The following TCAIM variants were observed in gnomAD, a reference collection of about 807,000 sequenced individuals.
TCAIM encodes T cell activation inhibitor, mitochondrial.
TCAIM carries 36 observed loss-of-function variants against 58.6 expected under a neutral mutation model. The observed-to-expected ratio is 0.61, with a 90% confidence interval of 0.47 to 0.81. TCAIM has a LOEUF of 0.81. TCAIM is among the 30% of genes least tolerant of loss of function. TCAIM has a pLI of 0.00. For missense variants in TCAIM, 466 were observed against 579.6 expected (o/e 0.80, Z 2.01); for synonymous variants, 172 against 193.6 (o/e 0.89, Z 0.93).
At chr3:44,400,250 C>A (rs1293900230) in intron 8 of TCAIM, 105 bp from the exon 9 acceptor site, 1 of 877,824 alleles carries the variant, frequency 1.1e-6, no homozygotes, top group Non-Finnish European at 1.7e-6. Flanking sequence ...CAATGAAAAT[C>A]ATTTTCTTGT....
intron 5 of TCAIM, among the ~76,000 whole-genome samples, chr3:44,372,089 G>T (rs1489914186): frequency 1.3e-5 from 2 of 151,216 alleles, no homozygotes; most frequent in East Asian, 3.9e-4. Context: ...TACAGTATTA[G>T]CAAGATGTGA....
chr3:44,396,709 G>A (rs371050734), intron 7 of TCAIM, 34 bp from the exon 8 acceptor site: 25 of 1,602,772 alleles, frequency 1.6e-5, no homozygotes, highest in Middle Eastern at 1.7e-4. Context: ...GAAGCACCTC[G>A]ACCATGACCA....
chr3:44,347,302 CA>C (rs1700990149), intron 1 of TCAIM, among the ~76,000 whole-genome samples: 1 of 152,066 alleles, frequency 6.6e-6, no homozygotes, highest in African/African-American at 2.4e-5. Flanking sequence ...AGAAGGTCAT[CA>C]AAATACTTAA....
chr3:44,378,701 T>C (rs1304958595), intron 5 of TCAIM, among the ~76,000 whole-genome samples: 1 of 151,356 alleles, frequency 6.6e-6, no homozygotes, highest in Non-Finnish European at 1.5e-5. Flanking sequence ...ATCTCAGCTA[T>C]TCAGGAGGCT....
intron 4 of TCAIM, 128 bp from the exon 5 acceptor site, chr3:44,367,328 A>G: frequency 9.4e-7 from 1 of 1,065,272 alleles, no homozygotes; most frequent in African/African-American, 1.6e-5. Flanking sequence ...TTTTCCATTT[A>G]CAGGTGATTT....
intron 1 of TCAIM, among the ~76,000 whole-genome samples, chr3:44,339,059 C>A (rs376780175): frequency 2.0e-5 from 3 of 151,966 alleles, no homozygotes; most frequent in African/African-American, 7.2e-5. Context: ...TATATTTTTC[C>A]GAGGTCTTTG....
At chr3:44,358,239 AATGCCCTAGTG>A in intron 3 of TCAIM, 2 of 1,513,732 alleles carry the variant, frequency 1.3e-6, no homozygotes, top group Non-Finnish European at 1.8e-6. Flanking sequence ...AAGAGTTTTC[AATGCCCTAGTG>A]ATTTTTCCTT....
At chr3:44,340,045 TA>T (rs1700824928) in intron 1 of TCAIM, 1 of 152,222 alleles carries the variant, frequency 6.6e-6, no homozygotes, top group Non-Finnish European at 1.5e-5. Flanking sequence ...CTAAGTGCAG[TA>T]TGGACAGGAA....
intron 6 of TCAIM, among the ~76,000 whole-genome samples, chr3:44,395,954 T>TC (rs1223757572): frequency 6.6e-6 from 1 of 152,158 alleles, no homozygotes; most frequent in Non-Finnish European, 1.5e-5. Context: ...ACCACTGCAC[T>TC]CCCGCCTGGG....
intron 1 of TCAIM, among the ~76,000 whole-genome samples, chr3:44,349,687 C>CGGG (rs1324165518): frequency 3.9e-5 from 6 of 152,166 alleles, no homozygotes; most frequent in Non-Finnish European, 7.3e-5. Flanking sequence ...GGAAGACTGT[C>CGGG]TTCCCGAGTC....
intron 7 of TCAIM, 51 bp downstream of exon 7, chr3:44,396,548 C>A: frequency 6.5e-7 from 1 of 1,540,398 alleles, no homozygotes; most frequent in Non-Finnish European, 8.8e-7. Flanking sequence ...CTATGTACGT[C>A]TATAAATTTT....
chr3:44,357,019 A>G (rs145401478), intron 2 of TCAIM, among the ~76,000 whole-genome samples: 1 of 151,896 alleles, frequency 6.6e-6, no homozygotes, highest in African/African-American at 2.4e-5. Flanking sequence ...TCCAACTAGT[A>G]TAATTTTAGC....
At chr3:44,357,677 T>C (rs939859441) in intron 2 of TCAIM, 64 bp from the exon 3 acceptor site, 12 of 1,592,146 alleles carry the variant, frequency 7.5e-6, no homozygotes, top group African/African-American at 4.1e-5. Context: ...TTGTCACTTA[T>C]ACATTGAGGA....
chr3:44,404,114 C>T (rs1318359713), intron 10 of TCAIM, among the ~76,000 whole-genome samples: 1 of 152,088 alleles, frequency 6.6e-6, no homozygotes, highest in African/African-American at 2.4e-5. Flanking sequence ...GTGTGCCTTC[C>T]CCCAGCCTGA....
At chr3:44,399,466 C>T (rs1701989251) in intron 8 of TCAIM, among the ~76,000 whole-genome samples, 1 of 152,186 alleles carries the variant, frequency 6.6e-6, no homozygotes, top group African/African-American at 2.4e-5. Context: ...TCCAACTCTT[C>T]TAAAAGGCCC....
At chr3:44,351,185 C>T (rs1349782924) in intron 1 of TCAIM, among the ~76,000 whole-genome samples, 1 of 152,116 alleles carries the variant, frequency 6.6e-6, no homozygotes, top group Non-Finnish European at 1.5e-5. Context: ...GACAGGGTTT[C>T]TCCATGTTGG....
intron 5 of TCAIM, among the ~76,000 whole-genome samples, chr3:44,384,401 G>A (rs1701701715): frequency 6.6e-6 from 1 of 152,190 alleles, no homozygotes; most frequent in African/African-American, 2.4e-5. Context: ...GCTGTCTAGT[G>A]ATCTCACTGT....
In TCAIM at chr3:44,357,848, A is replaced by G; in HGVS notation, c.137A>G (p.Asp46Gly). Residue 46 changes from aspartate (D) to glycine (G), a missense_variant, in exon 3 of 11, where the codon GAT becomes GGT. Transcript: ENST00000342649. ...LRPFYFAVHP[D>G]FFGQHPVERE... ...CCTTTCTATTTTGCAGTACATCCAG[A>G]TTTCTTTGGACAGCACCCCGTAGAA... 6.2e-7 allele frequency: 1 copy of G among 1,614,078 alleles called. No individual in the cohort carries two copies. The highest frequency in any genetic ancestry group is 8.5e-7 in the Non-Finnish European group (1 of 1,179,998).
At chr3:44,340,552 A>G (rs1015618741) in intron 1 of TCAIM, 1 of 152,242 alleles carries the variant, frequency 6.6e-6, no homozygotes, top group Non-Finnish European at 1.5e-5. Flanking sequence ...TCCTCCTTTG[A>G]TTTTTAGCAT....
Sources: gnomAD v4.1 joint callset for allele counts (sites outside exome capture counted in the v4.1 genomes callset) on GRCh38, gnomAD v4.1.1 for gene constraint, MANE v1.5 for transcripts, NCBI Gene and HGNC (gene_info 2026-07-23, HGNC 2026-07-21) for gene names.